Variants in FNDC3B observed in about 807,000 individuals in gnomAD.
The protein encoded by FNDC3B is fibronectin type III domain containing 3B, also known as fibronectin type III domain-containing protein 3B.
In FNDC3B, 12 loss-of-function variants were observed where a neutral mutation model predicts 151.5. That is an observed-to-expected ratio of 0.08 (90% confidence interval 0.05 to 0.13). The LOEUF (loss-of-function observed/expected upper bound fraction) is 0.13, where lower values mean the gene tolerates loss of function less well. FNDC3B is among the 10% of genes least tolerant of loss of function. FNDC3B has a pLI of 1.00. For synonymous variants in FNDC3B, 528 were observed against 549.0 expected (o/e 0.96, Z 0.54); for missense variants, 1,214 against 1,505.3 (o/e 0.81, Z 3.20).
intron 3 of FNDC3B, among the ~76,000 whole-genome samples, chr3:172,137,157 G>A (rs1246757436): frequency 3.3e-5 from 5 of 152,110 alleles, no homozygotes; most frequent in South Asian, 2.1e-4. Context: ...GCTTTGTGGG[G>A]ATTTCAGGTA....
At chr3:172,073,678 G>T (rs762162076) in intron 1 of FNDC3B, among the ~76,000 whole-genome samples, 1 of 152,160 alleles carries the variant, frequency 6.6e-6, no homozygotes, top group Non-Finnish European at 1.5e-5. Flanking sequence ...TTTTAATGAT[G>T]ATTCAAAGAG....
At chr3:172,189,555 A>G (rs144328009) in intron 3 of FNDC3B, among the ~76,000 whole-genome samples, 3 of 152,096 alleles carry the variant, frequency 2.0e-5, no homozygotes, top group African/African-American at 7.2e-5. Flanking sequence ...ATTTTTTTTT[A>G]TTTTAAATCA....
Position 172,352,950 on chromosome 3 carries a change from C to T in FNDC3B, c.2662C>T (p.Leu888=). The T allele has an allele frequency of 1.2e-6, 2 of 1,614,204 alleles. No individual in the cohort carries two copies. Among genetic ancestry groups the T allele is most frequent in the Non-Finnish European group, 1.7e-6 (2 of 1,180,042 alleles). The change falls in exon 22 of 26, where the codon CTG becomes TTG. Residue 888 remains leucine (L), a synonymous_variant. Coordinates refer to ENST00000415807, the MANE Select transcript of FNDC3B (RefSeq NM_022763.4). The surrounding 1 kb of genome is among the most constrained non-coding windows in gnomAD (Gnocchi z 4.2). ...TGATTCACCTTCTGCGTGCCTTGTA[C>T]TGAACTGGGAAGAGCCGTGCAATAA... The part of the protein sequence containing the change: ...YPDSPSACLV[L]NWEEPCNNGS...
intron 2 of FNDC3B, among the ~76,000 whole-genome samples, chr3:172,115,856 G>C (rs531859934): frequency 7.2e-5 from 11 of 152,160 alleles, no homozygotes; most frequent in Non-Finnish European, 1.6e-4. Context: ...ATACTTTGCA[G>C]CTGTGCAAAG....
rs574657591 is a variant in FNDC3B, at chr3:172,084,145, G to A, written c.-28-28307G>A. Among the ~76,000 whole-genome samples, 3 of 152,164 alleles carry A rather than the reference G, an allele frequency of 2.0e-5. No homozygotes were observed. The South Asian group carries it at 6.2e-4, about 32-fold the overall frequency. On this transcript the variant is annotated intron_variant, in intron 1 of 25. Transcript: ENST00000415807. ...TTACTTCTGAAGGATCAAAGGGCTT[G>A]GGACGTTTACAAAGTATTCTGGGCT...
intron 2 of FNDC3B, among the ~76,000 whole-genome samples, chr3:172,124,491 T>A (rs556118570): frequency 9.8e-5 from 15 of 152,368 alleles, no homozygotes; most frequent in African/African-American, 3.4e-4. Context: ...ACTCATTTTC[T>A]AACAATTACT....
chr3:172,116,499 T>A (rs2108546692), intron 2 of FNDC3B, among the ~76,000 whole-genome samples: 1 of 152,344 alleles, frequency 6.6e-6, no homozygotes, highest in South Asian at 2.1e-4. Flanking sequence ...ATATTGCCTA[T>A]TCTGGAATTT....
rs149535918 is a variant in FNDC3B at position 172,366,124 on chromosome 3, T to G, written c.3008+3279T>G. ...AAATAAGAAAAATACTAACTTCCCT[T>G]AAGAGTAACTACTTAATGTCCAAAA... is the stretch of plus-strand genomic sequence containing the variant. On this transcript the variant is annotated intron_variant, in intron 23 of 25. Coordinates refer to ENST00000415807, the MANE Select transcript of FNDC3B (RefSeq NM_022763.4). Among the ~76,000 whole-genome samples the G allele has an allele frequency of 2.7e-3, 416 of 152,320 alleles. 2 individuals carry two copies. Among genetic ancestry groups the G allele is most frequent in the Non-Finnish European group, 4.7e-3 (319 of 68,020 alleles).
intron 1 of FNDC3B, among the ~76,000 whole-genome samples, chr3:172,043,543 GA>G (rs2108448915): frequency 6.6e-6 from 1 of 152,142 alleles, no homozygotes; most frequent in Admixed American, 6.5e-5. Context: ...TTTTTGTAGA[GA>G]CAGGTCTCAC....
intron 11 of FNDC3B, among the ~76,000 whole-genome samples, chr3:172,314,746 C>T (rs1011270925): frequency 6.6e-6 from 1 of 152,158 alleles, no homozygotes; most frequent in Non-Finnish European, 1.5e-5. Context: ...GAATGCTGTG[C>T]CGAGTTGACC....
intron 1 of FNDC3B, among the ~76,000 whole-genome samples, chr3:172,109,704 C>G (rs1479945373): frequency 6.6e-6 from 1 of 152,192 alleles, no homozygotes; most frequent in Admixed American, 6.5e-5. Context: ...TCCCTGTCTC[C>G]CCTTCCTCCA....
At chr3:172,113,967 C>T (rs1438267325) in intron 2 of FNDC3B, among the ~76,000 whole-genome samples, 1 of 152,178 alleles carries the variant, frequency 6.6e-6, no homozygotes. Context: ...TGCTGGACCC[C>T]GTGCCGTCAT....
chr3:172,237,258 C>G (rs1301805328), intron 4 of FNDC3B: 1 of 152,194 alleles, frequency 6.6e-6, no homozygotes, highest in Non-Finnish European at 1.5e-5. Context: ...TGGAGCTAAC[C>G]CTTCTCCCCT....
chr3:172,141,811 A>G (rs945037328), intron 3 of FNDC3B, among the ~76,000 whole-genome samples: 9 of 152,114 alleles, frequency 5.9e-5, no homozygotes, highest in African/African-American at 2.2e-4. Context: ...AGATCGTGCC[A>G]TTGCACTCCA....
intron 1 of FNDC3B, among the ~76,000 whole-genome samples, chr3:172,056,270 A>G (rs568570057): frequency 6.7e-4 from 102 of 152,306 alleles, no homozygotes; most frequent in Non-Finnish European, 1.3e-3. Flanking sequence ...TATCTTCAGT[A>G]AGTTTCAGTT....
At chr3:172,367,409 G>A (rs907167077) in intron 23 of FNDC3B, among the ~76,000 whole-genome samples, 9 of 152,082 alleles carry the variant, frequency 5.9e-5, no homozygotes, top group Non-Finnish European at 1.2e-4. Flanking sequence ...ACAGCAGACA[G>A]CAAAACAAAA....
At chr3:172,375,208 A>G (rs773898508) in intron 23 of FNDC3B, among the ~76,000 whole-genome samples, 2 of 152,204 alleles carry the variant, frequency 1.3e-5, no homozygotes, top group Non-Finnish European at 2.9e-5. Flanking sequence ...TCTTGGTCAC[A>G]CTTCAGAGTG....
chr3:172,335,909 C>G (rs1420601877), intron 15 of FNDC3B: 1 of 151,912 alleles, frequency 6.6e-6, no homozygotes, highest in Non-Finnish European at 1.5e-5. Context: ...ATAACTGTTT[C>G]AAGTTACCTA....
chr3:172,247,455 A>G, intron 4 of FNDC3B, 78 bp from the exon 5 acceptor site: 1 of 1,439,930 alleles, frequency 6.9e-7, no homozygotes, highest in Non-Finnish European at 9.4e-7. Flanking sequence ...GTAAAATTAA[A>G]GTGGAAGTTA....
Sources: gnomAD v4.1 joint callset for allele counts (sites outside exome capture counted in the v4.1 genomes callset) on GRCh38, gnomAD v4.1.1 for gene constraint, Gnocchi (gnomAD v3.1) non-coding constraint, MANE v1.5 for transcripts, NCBI Gene and HGNC (gene_info 2026-07-23, HGNC 2026-07-21) for gene names.